The following MGAT3 variants were observed in gnomAD, a reference collection of about 807,000 sequenced individuals.
MGAT3 encodes GlcNAc-T III.
Under a neutral mutation model 29.8 loss-of-function variants are expected in MGAT3, and 9 were observed. That is an observed-to-expected ratio of 0.30 (90% confidence interval 0.18 to 0.53). The LOEUF is 0.53. MGAT3 is among the 20% of genes least tolerant of loss of function. MGAT3 has a pLI of 0.96. For synonymous variants in MGAT3, 397 were observed against 348.9 expected, an observed-to-expected ratio of 1.14 and a Z score of -1.54; for missense variants, 557 against 769.5, an observed-to-expected ratio of 0.72 and a Z score of 3.27.
chr22:39,474,665 T>A (rs1176588243), intron 1 of MGAT3, among the ~76,000 whole-genome samples: 2 of 152,186 alleles, frequency 1.3e-5, no homozygotes, highest in Non-Finnish European at 2.9e-5. Context: ...CCTTTTCCTC[T>A]CCCTGAGAGA....
intron 1 of MGAT3, among the ~76,000 whole-genome samples, chr22:39,481,880 AG>A (rs1337739270): frequency 1.3e-5 from 2 of 152,204 alleles, no homozygotes; most frequent in Non-Finnish European, 2.9e-5. Context: ...GTGTGTAACA[AG>A]CTTAGGACAG....
At chr22:39,462,972 G>A (rs529681106) in intron 1 of MGAT3, among the ~76,000 whole-genome samples, 56 of 152,250 alleles carry the variant, frequency 3.7e-4, no homozygotes, top group African/African-American at 1.1e-3. Context: ...CCTGCTCTCC[G>A]GCTGCCCTCT....
chr22:39,466,820 T>C (rs955159413), intron 1 of MGAT3, among the ~76,000 whole-genome samples: 1 of 152,232 alleles, frequency 6.6e-6, no homozygotes, highest in East Asian at 1.9e-4. Flanking sequence ...AAGTTCTGCC[T>C]AGTGGTAGCG....
Position 39,464,753 on chromosome 22 carries a change from A to C in MGAT3, c.-2+7196A>C, listed in dbSNP as rs372861653. On this transcript the variant is annotated intron_variant, in intron 1 of 1. Coordinates refer to ENST00000341184, the MANE Select transcript of MGAT3 (RefSeq NM_002409.5). Reference sequence around the variant, plus strand: ...TCTGAGCCTGGCCTGATACATATTTATTTTTTTTTCTTTTTGAGACAGAGT... The same window carrying C: ...TCTGAGCCTGGCCTGATACATATTTCTTTTTTTTTCTTTTTGAGACAGAGT... Among the ~76,000 whole-genome samples the C allele has an allele frequency of 1.1e-3, 148 of 135,470 alleles. 1 individual carries two copies. Among genetic ancestry groups the C allele is most frequent in the African/African-American group, 4.0e-3 (142 of 35,642 alleles). 88.9% of individuals were successfully genotyped at this position (135,470 alleles called of 152,430 possible).
intron 1 of MGAT3, among the ~76,000 whole-genome samples, chr22:39,460,372 G>A (rs1928463328): frequency 6.6e-6 from 1 of 152,168 alleles, no homozygotes; most frequent in South Asian, 2.1e-4. Flanking sequence ...GCTGCTTGGG[G>A]GCAAGGAAAG....
At chr22:39,461,133 C>A (rs1481500810) in intron 1 of MGAT3, among the ~76,000 whole-genome samples, 2 of 152,134 alleles carry the variant, frequency 1.3e-5, no homozygotes, top group Non-Finnish European at 2.9e-5. Flanking sequence ...CCCCATATGG[C>A]TGATTTTAAG....
Position 39,488,118 on chromosome 22 carries a change from G to C in MGAT3, c.771G>C (p.Leu257=). 11 of 1,612,904 alleles carry C rather than the reference G, an allele frequency of 6.8e-6. No homozygotes were observed. The highest frequency in any genetic ancestry group is 9.3e-6 in the Non-Finnish European group (11 of 1,179,818). The change falls in exon 2 of 2, where the codon CTG becomes CTC. Residue 257 remains leucine, a synonymous_variant. Transcript: ENST00000341184. ...EPRPLKFREM[L]TNGTFEYIRH... ...GGCCGCTCAAGTTCCGGGAGATGCT[G>C]ACCAATGGCACCTTCGAGTACATCC...
At chr22:39,486,223 C>T (rs751659731) in intron 1 of MGAT3, 1 of 402,008 alleles carries the variant, frequency 2.5e-6, no homozygotes, top group South Asian at 1.8e-5. Context: ...TCATGGCTCA[C>T]TGCAACTTCC....
chr22:39,475,829 T>A (rs900089468), intron 1 of MGAT3: 2 of 152,198 alleles, frequency 1.3e-5, no homozygotes, highest in African/African-American at 4.8e-5. Context: ...CAAATTAAAT[T>A]AAGCTGGGTA....
Position 39,489,046 on chromosome 22 carries a change from GACCA to G in MGAT3, c.*98_*101del. 1.3e-6 allele frequency: 1 copy of G among 751,112 alleles called. No individual in the cohort carries two copies. Among genetic ancestry groups the G allele is most frequent in the Non-Finnish European group, 2.0e-6 (1 of 506,584 alleles). 46.5% of individuals were successfully genotyped at this position (751,112 alleles called of 1,614,324 possible). On this transcript the variant is annotated 3_prime_UTR_variant, in exon 2 of 2. Coordinates refer to ENST00000341184, the MANE Select transcript of MGAT3 (RefSeq NM_002409.5). ...CTGCCGGCTCCTTGGTTCTTGAGGG[GACCA>G]GGAGTGGGTGGGGAGTGGGGGTGGG...
intron 1 of MGAT3, among the ~76,000 whole-genome samples, chr22:39,479,408 C>T (rs191929403): frequency 2.0e-5 from 3 of 152,154 alleles, no homozygotes; most frequent in Admixed American, 6.5e-5. Flanking sequence ...TGTCTGGCAG[C>T]GGGGTGGGGG....
intron 1 of MGAT3, among the ~76,000 whole-genome samples, chr22:39,468,656 A>G (rs1196193242): frequency 1.3e-5 from 2 of 150,196 alleles, no homozygotes; most frequent in Non-Finnish European, 2.9e-5. Context: ...AGAGCCCTGC[A>G]GCATTGACTG....
intron 1 of MGAT3, among the ~76,000 whole-genome samples, chr22:39,479,201 T>C (rs1215995402): frequency 6.6e-6 from 1 of 151,940 alleles, no homozygotes; most frequent in African/African-American, 2.4e-5. Context: ...ATCAGCCGAG[T>C]GGTGGCACAC....
chr22:39,487,863 G>A lies in MGAT3; in HGVS notation c.516G>A (p.Val172=). 1 of 1,554,058 alleles carries A rather than the reference G, an allele frequency of 6.4e-7. No homozygotes were observed. Among genetic ancestry groups the A allele is most frequent in the East Asian group, 2.3e-5 (1 of 43,204 alleles). Residue 172 remains valine, a synonymous_variant, in exon 2 of 2, where the codon GTG becomes GTA. Coordinates refer to ENST00000341184, the MANE Select transcript of MGAT3 (RefSeq NM_002409.5). The surrounding 1 kb of genome is among the most constrained non-coding windows in gnomAD (Gnocchi z 5.7). ...CCCGGCGCAAGTGGGTGGAGTGCGT[G>A]TGCCTGCCCGGCTGGCACGGACCCA... is the stretch of plus-strand genomic sequence containing the variant. ...RGARRKWVEC[V]CLPGWHGPSC...
intron 1 of MGAT3, among the ~76,000 whole-genome samples, chr22:39,475,128 C>CTTTTTTTTTTTTTTTTTTTTTTTTTTTT (rs58543840): frequency 8.4e-6 from 1 of 118,770 alleles, no homozygotes; most frequent in African/African-American, 3.7e-5. Flanking sequence ...GCTTGCCAGG[C>CTTTTTTTTTTTTTTTTTTTTTTTTTTTT]TTTTTTTTTT....
At position 39,462,980 on chromosome 22, in the gene MGAT3, T is replaced by A. The variant is rs376963190; in HGVS notation, c.-2+5423T>A. 6.6e-5 allele frequency among the ~76,000 whole-genome samples: 10 copies of A among 151,498 alleles called. No individual in the cohort carries two copies. The East Asian group carries it at 1.8e-3, about 27-fold the overall frequency. ...CTCAGAGCCTGCTCTCCGGCTGCCC[T>A]CTCTGGGCAGGCCAGGAACTTCCCA... On this transcript the variant is annotated intron_variant, in intron 1 of 1. Transcript: ENST00000341184.
rs1929015329 is a variant in MGAT3, at chr22:39,477,953, T to A, written c.-1-9394T>A. Among the ~76,000 whole-genome samples, 4 of 152,232 alleles carry A rather than the reference T, an allele frequency of 2.6e-5. No homozygotes were observed. The South Asian group carries it at 8.3e-4, about 32-fold the overall frequency. On this transcript the variant is annotated intron_variant, in intron 1 of 1. Coordinates refer to ENST00000341184, the MANE Select transcript of MGAT3 (RefSeq NM_002409.5). ...CTGAGGCACGGGGAGGCAGAGTGACTTGCCAAGGCCACAAGCAGTGTTCGG... is the reference window on the plus strand; with the variant it reads ...CTGAGGCACGGGGAGGCAGAGTGACATGCCAAGGCCACAAGCAGTGTTCGG...
At chr22:39,475,128 C>CTTTTTTTTTTTTTTTTTTT (rs58543840) in intron 1 of MGAT3, among the ~76,000 whole-genome samples, 5 of 118,772 alleles carry the variant, frequency 4.2e-5, no homozygotes, top group African/African-American at 1.8e-4. Context: ...GCTTGCCAGG[C>CTTTTTTTTTTTTTTTTTTT]TTTTTTTTTT....
At chr22:39,485,576 A>G (rs1230341340) in intron 1 of MGAT3, among the ~76,000 whole-genome samples, 1 of 152,192 alleles carries the variant, frequency 6.6e-6, no homozygotes, top group African/African-American at 2.4e-5. Flanking sequence ...GGATCACCTG[A>G]GGTCAGGAGT....
Sources: gnomAD v4.1 joint callset for allele counts (sites outside exome capture counted in the v4.1 genomes callset) on GRCh38, gnomAD v4.1.1 for gene constraint, Gnocchi (gnomAD v3.1) non-coding constraint, MANE v1.5 for transcripts, NCBI Gene and HGNC (gene_info 2026-07-23, HGNC 2026-07-21) for gene names.